Variants in FLNC observed in about 807,000 individuals in gnomAD.
The protein encoded by FLNC is filamin-C.
In FLNC, 91 loss-of-function variants were observed where a neutral mutation model predicts 254.3. The observed-to-expected ratio is 0.36, with a 90% CI of 0.30 to 0.43. The LOEUF (loss-of-function observed/expected upper bound fraction) is 0.43. Ranked by LOEUF, FLNC falls within the 20% of genes least tolerant of loss-of-function variation. The pLI is 1.00. For missense variants in FLNC, 2,853 were observed against 3,802.6 expected, an observed-to-expected ratio of 0.75 and a Z score of 6.57; for synonymous variants, 1,430 against 1,577.2, an observed-to-expected ratio of 0.91 and a Z score of 2.21.
chr7:128,845,896 A>AGGGAGAGGAGAGGGACAGGAGG, intron 21 of FLNC, 94 bp from the exon 22 acceptor site: 1 of 1,045,732 alleles, frequency 9.6e-7, no homozygotes, highest in African/African-American at 1.8e-5. Context: ...GGAAGAGGAG[A>AGGGAGAGGAGAGGGACAGGAGG]GGGAGAGGAG....
chr7:128,843,956 G>C (rs1485384836), intron 19 of FLNC, 43 bp downstream of exon 19: 1 of 1,614,086 alleles, frequency 6.2e-7, no homozygotes, highest in South Asian at 1.1e-5. Flanking sequence ...GGGTATTCGG[G>C]TAGGGTGGAC....
chr7:128,839,230 G>T (rs1026855149), intron 8 of FLNC, among the ~76,000 whole-genome samples: 1 of 152,216 alleles, frequency 6.6e-6, no homozygotes, highest in Non-Finnish European at 1.5e-5. Context: ...GGCCCGGGCC[G>T]TGTGGAATCG....
At position 128,837,237 on chromosome 7, in the gene FLNC, G is replaced by A. The variant is rs1266361617; in HGVS notation, c.679G>A (p.Asp227Asn). 7.6e-6 allele frequency: 12 copies of A among 1,585,624 alleles called. No homozygotes were observed. Among genetic ancestry groups the A allele is most frequent in the South Asian group, 2.3e-5 (2 of 86,894 alleles). Reference protein sequence around the residue: ...NAREAMQQADDWLGVPQVIAP... With the variant: ...NAREAMQQADNWLGVPQVIAP... ...CCGGGAGGCCATGCAGCAGGCCGAC[G>A]ACTGGCTTGGGGTGCCCCAGGTACA... The change falls in exon 3 of 48, where the codon GAC becomes AAC. Residue 227 changes from aspartate (D) to asparagine (N), a missense_variant. Transcript: ENST00000325888.
Position 128,857,332 on chromosome 7 carries a change from C to T in FLNC, c.7776C>T (p.Val2592=), listed in dbSNP as rs2128940410. The T allele has an allele frequency of 5.6e-6, 9 of 1,611,782 alleles. No homozygotes were observed. The highest frequency in any genetic ancestry group is 6.8e-6 in the Non-Finnish European group (8 of 1,178,748). ...HIVGSPFKAK[V]TGPRLSGGHS... is the part of the protein sequence containing the mutation. The stretch of plus-strand genomic sequence containing the variant: ...TGGGCAGCCCCTTCAAGGCCAAGGT[C>T]ACTGGTGAGTGCCAGTTTGGGGGAG... Residue 2592 remains valine (V), a synonymous_variant, in exon 46 of 48, where the codon GTC becomes GTT. Coordinates refer to ENST00000325888, the MANE Select transcript of FLNC (RefSeq NM_001458.5). The surrounding 1 kb of genome is among the most constrained non-coding windows in gnomAD (Gnocchi z 4.5).
chr7:128,839,924 T>G, intron 8 of FLNC, 99 bp from the exon 9 acceptor site: 1 of 1,491,876 alleles, frequency 6.7e-7, no homozygotes, highest in Non-Finnish European at 9.2e-7. Flanking sequence ...GGCCACTGCC[T>G]GTGCCTGGGA....
Position 128,847,823 on chromosome 7 carries a change from C to T in FLNC, c.4415C>T (p.Ala1472Val), listed in dbSNP as rs1322180292. 3 of 1,613,584 alleles carry T rather than the reference C, an allele frequency of 1.9e-6. No individual in the cohort carries two copies. The African/African-American group carries it at 4.0e-5, about 22-fold the overall frequency. ...ACCTTCACAGTGGATTGCAGTCAAG[C>T]TGGCCGGGCGCCCCTGCAGGTGGCT... The part of the protein sequence containing the change: ...PQTFTVDCSQ[A>V]GRAPLQVAVL... Residue 1472 changes from alanine (A) to valine (V), a missense_variant, in exon 25 of 48, where the codon GCT (alanine) becomes GTT (valine). Ala to Val is a moderately conservative substitution (Grantham distance 64). Coordinates refer to ENST00000325888, the MANE Select transcript of FLNC (RefSeq NM_001458.5).
At position 128,837,405 on chromosome 7, in the gene FLNC, C is replaced by A. The variant is rs771789906; in HGVS notation, c.707C>A (p.Ala236Asp). Residue 236 changes from alanine to aspartate, a missense_variant, in exon 4 of 48, where the codon GCC becomes GAC. Coordinates refer to ENST00000325888, the MANE Select transcript of FLNC (RefSeq NM_001458.5). Reference protein sequence around the residue: ...DDWLGVPQVIAPEEIVDPNVD... With the variant: ...DDWLGVPQVIDPEEIVDPNVD... ...CACTCCTTTCCATCGCAGGTCATTG[C>A]CCCTGAGGAGATTGTGGACCCCAAC... 6.2e-7 allele frequency: 1 copy of A among 1,613,966 alleles called. No homozygotes were observed. Among genetic ancestry groups the A allele is most frequent in the Non-Finnish European group, 8.5e-7 (1 of 1,180,014 alleles).
chr7:128,857,867 G>A lies in FLNC; in HGVS notation c.7781-141G>A. 1.4e-6 allele frequency: 1 copy of A among 719,410 alleles called. No individual in the cohort carries two copies. Among genetic ancestry groups the A allele is most frequent in the Non-Finnish European group, 2.5e-6 (1 of 394,186 alleles). The allele number at this position is 719,410 out of a possible 1,614,324, so 44.6% of individuals were successfully genotyped here. On this transcript the variant is annotated intron_variant, in intron 46 of 47. Coordinates refer to ENST00000325888, the MANE Select transcript of FLNC (RefSeq NM_001458.5). The surrounding 1 kb of genome is among the most constrained non-coding windows in gnomAD (Gnocchi z 4.5). ...GGAATGAGGCTGTGCTCCTAGAGTG[G>A]CCCTTGGAGGAATTTGAGGGGGAGC...
Position 128,850,461 on chromosome 7 carries a change from G to A in FLNC, c.5376G>A (p.Ala1792=), listed in dbSNP as rs758648462. Residue 1792 remains alanine (A), a synonymous_variant, in exon 32 of 48, where the codon GCG becomes GCA. Transcript: ENST00000325888. ...CCTTCAACCTGGTCATCCCCTTCGCGGTGCAGAAAGGGGAGCTCACAGGTA... is the reference window on the plus strand; with the variant it reads ...CCTTCAACCTGGTCATCCCCTTCGCAGTGCAGAAAGGGGAGCTCACAGGTA... ...LRPFNLVIPF[A]VQKGELTGEV... The A allele has an allele frequency of 5.0e-6, 8 of 1,613,538 alleles. No homozygotes were observed. In the African/African-American group the frequency reaches 5.3e-5, roughly 11 times the overall value.
chr7:128,842,223 G>A lies in FLNC; in HGVS notation c.2122-8G>A. On this transcript the variant is annotated splice_polypyrimidine_tract_variant and splice_region_variant and intron_variant, in intron 13 of 47. Transcript: ENST00000325888. This position sits in a 1 kb window ranked among gnomAD's most constrained non-coding sequence, Gnocchi z 5.4. The stretch of plus-strand genomic sequence containing the variant: ...CAGCTATGAACTTTGCTTGGGTGAT[G>A]CCCACAGGACGCCGACGGCTGTCCC... 1 of 1,613,480 alleles carries A rather than the reference G, an allele frequency of 6.2e-7. No individual in the cohort carries two copies.
At chr7:128,844,295 G>T in intron 20 of FLNC, 29 bp downstream of exon 20, 3 of 1,584,452 alleles carry the variant, frequency 1.9e-6, no homozygotes, top group South Asian at 1.2e-5. Flanking sequence ...GTTGGGGCTG[G>T]GAGTTGGGGA....
rs1159154769 is a variant in FLNC, at chr7:128,837,249, G to T, written c.691G>T (p.Val231Leu). Residue 231 changes from valine (V) to leucine (L), a missense_variant, in exon 3 of 48, where the codon GTG (valine) becomes TTG (leucine). This residue lies in a region of FLNC where 115 missense variants were observed against 230.3 expected (regional missense o/e 0.50). Transcript: ENST00000325888. The part of the protein sequence containing the change: ...AMQQADDWLG[V>L]PQVIAPEEIV... ...GCAGCAGGCCGACGACTGGCTTGGGGTGCCCCAGGTACATGCGCAGATGGG... is the reference window on the plus strand; with the variant it reads ...GCAGCAGGCCGACGACTGGCTTGGGTTGCCCCAGGTACATGCGCAGATGGG... 6.3e-7 allele frequency: 1 copy of T among 1,577,104 alleles called. No homozygotes were observed. The highest frequency in any genetic ancestry group is 8.6e-7 in the Non-Finnish European group (1 of 1,161,774).
Position 128,837,236 on chromosome 7 carries a change from C to A in FLNC, c.678C>A (p.Asp226Glu). 3 of 1,587,908 alleles carry A rather than the reference C, an allele frequency of 1.9e-6. No homozygotes were observed. The highest frequency in any genetic ancestry group is 2.6e-6 in the Non-Finnish European group (3 of 1,167,600). ...CCCGGGAGGCCATGCAGCAGGCCGA[C>A]GACTGGCTTGGGGTGCCCCAGGTAC... ...ENAREAMQQA[D>E]DWLGVPQVIA... Residue 226 changes from aspartate to glutamate, a missense_variant, in exon 3 of 48, where the codon GAC becomes GAA. Transcript: ENST00000325888.
rs1807855676 is a variant in FLNC, at chr7:128,830,814, C to A, written c.177C>A (p.Asp59Glu). The change falls in exon 1 of 48, where the codon GAC becomes GAA. Residue 59 changes from aspartate to glutamate, a missense_variant. Physicochemically the swap from Asp to Glu is conservative, Grantham distance 45. Transcript: ENST00000325888. ...AGTGCGTGGGCAAGCGCCTGACCGA[C>A]CTGCAGCGCGACCTCAGCGACGGGC... is the stretch of plus-strand genomic sequence containing the variant. The part of the protein sequence containing the change: ...HLKCVGKRLT[D>E]LQRDLSDGLR... 1.2e-6 allele frequency: 2 copies of A among 1,612,988 alleles called. No homozygotes were observed. Among genetic ancestry groups the A allele is most frequent in the Non-Finnish European group, 1.7e-6 (2 of 1,179,946 alleles).
intron 21 of FLNC, among the ~76,000 whole-genome samples, chr7:128,845,643 G>A (rs1482934114): frequency 6.6e-6 from 1 of 152,168 alleles, no homozygotes; most frequent in East Asian, 1.9e-4. Flanking sequence ...CCATCTGCCA[G>A]GGGCCAGACC....
chr7:128,841,106 G>T lies in FLNC; in HGVS notation c.1814-64G>T, dbSNP rs1170273427. ...ATAGGACATGAGGGCAGCTAGAGGGGAGCTGGGGGACGGAAGGGTCTTGCC... is the reference window on the plus strand; with the variant it reads ...ATAGGACATGAGGGCAGCTAGAGGGTAGCTGGGGGACGGAAGGGTCTTGCC... On this transcript the variant is annotated intron_variant, in intron 11 of 47. Transcript: ENST00000325888. The surrounding 1 kb of genome is among the most constrained non-coding windows in gnomAD (Gnocchi z 4.3). 12 of 1,592,912 alleles carry T rather than the reference G, an allele frequency of 7.5e-6. No individual in the cohort carries two copies. The South Asian group carries it at 1.2e-4, about 16-fold the overall frequency.
rs926010153 is a variant in FLNC at position 128,842,154 on chromosome 7, G to T, written c.2122-77G>T. The T allele has an allele frequency of 8.8e-6, 13 of 1,483,118 alleles. No homozygotes were observed. The East Asian group carries it at 1.7e-4, about 19-fold the overall frequency. 91.9% of individuals were successfully genotyped at this position (1,483,118 alleles called of 1,614,324 possible). On this transcript the variant is annotated intron_variant, in intron 13 of 47. Coordinates refer to ENST00000325888, the MANE Select transcript of FLNC (RefSeq NM_001458.5). The surrounding 1 kb of genome is among the most constrained non-coding windows in gnomAD (Gnocchi z 5.4). ...CAGTGTTGGGGGTGGGAAAGGAGGC[G>T]CTGGGTTCACCTGCGGCCAGCAGAG...
rs1808882683 is a variant in FLNC at position 128,852,891 on chromosome 7, A to G, written c.6068A>G (p.His2023Arg). 2 of 1,613,652 alleles carry G rather than the reference A, an allele frequency of 1.2e-6. No individual in the cohort carries two copies. The highest frequency in any genetic ancestry group is 1.3e-5 in the African/African-American group (1 of 74,916). The stretch of plus-strand genomic sequence containing the variant: ...GTGAGCGTGCGCAAGAGTGGCAAGC[A>G]TGTCACCAACAGCCCCTTCAAGATC... ...HVVSVRKSGK[H>R]VTNSPFKILV... Residue 2023 changes from histidine to arginine, a missense_variant, in exon 37 of 48, where the codon CAT (histidine) becomes CGT (arginine). Physicochemically the swap from His to Arg is conservative, Grantham distance 29. Around this residue, in one of 10 missense-constraint regions of FLNC, gnomAD observed 551 missense variants for 835.0 expected, o/e 0.66. Transcript: ENST00000325888.
chr7:128,858,264 G>T lies in FLNC; in HGVS notation c.7990+47G>T, dbSNP rs753799689. ...TCTCCCGGGGTGTGAGCAAGAAGCC[G>T]TCAGGGAGCAGGGTGTGGGTCACAG... On this transcript the variant is annotated intron_variant, in intron 47 of 47. Transcript: ENST00000325888. This position sits in a 1 kb window ranked among gnomAD's most constrained non-coding sequence, Gnocchi z 6.7. 3 of 1,250,764 alleles carry T rather than the reference G, an allele frequency of 2.4e-6. No individual in the cohort carries two copies. The Admixed American group carries it at 5.5e-5, about 23-fold the overall frequency. The allele number at this position is 1,250,764 out of a possible 1,614,324, so 77.5% of individuals were successfully genotyped here. A position where few individuals can be genotyped will look rare whatever the true frequency, so the allele number is the denominator to read the frequency against.
Sources: gnomAD v4.1 joint callset for allele counts (sites outside exome capture counted in the v4.1 genomes callset) on GRCh38, gnomAD v4.1.1 for gene constraint, gnomAD v4.1.1 regional missense constraint, Gnocchi (gnomAD v3.1) non-coding constraint, MANE v1.5 for transcripts, NCBI Gene and HGNC (gene_info 2026-07-23, HGNC 2026-07-21) for gene names.